The following KIAA0825 variants were observed in gnomAD, a reference collection of about 807,000 sequenced individuals.
KIAA0825 encodes KIAA0825.
In KIAA0825, 119 loss-of-function variants were observed where a neutral mutation model predicts 147.6. That is an observed-to-expected ratio of 0.81 (90% CI 0.69 to 0.94). The LOEUF is 0.94. Ranked by LOEUF, KIAA0825 falls within the 40% of genes least tolerant of loss-of-function variation. The pLI, the probability that KIAA0825 is intolerant of heterozygous loss-of-function variation, is 0.00. For missense variants in KIAA0825, 1,381 were observed against 1,472.7 expected (o/e 0.94, Z 1.02); for synonymous variants, 470 against 518.1 (o/e 0.91, Z 1.26).
chr5:94,283,772 CT>C (rs1777556460), intron 20 of KIAA0825, among the ~76,000 whole-genome samples: 1 of 152,046 alleles, frequency 6.6e-6, no homozygotes, highest in Non-Finnish European at 1.5e-5. Context: ...TCATGTATAG[CT>C]TATGACTTTG....
At chr5:94,215,738 T>A (rs2150052927) in intron 20 of KIAA0825, among the ~76,000 whole-genome samples, 1 of 152,196 alleles carries the variant, frequency 6.6e-6, no homozygotes, top group East Asian at 1.9e-4. Flanking sequence ...CCTCCCTTGA[T>A]TCCTCGCACT....
chr5:94,310,019 ATAT>A (rs1194614657), intron 20 of KIAA0825, among the ~76,000 whole-genome samples: 1 of 151,734 alleles, frequency 6.6e-6, no homozygotes, highest in Admixed American at 6.6e-5. Context: ...GATAATTGAC[ATAT>A]TATGTTCAGT....
rs984883070 is a variant in KIAA0825 at position 94,417,120 on chromosome 5, C to A, written c.2662+81G>T. 6.1e-6 allele frequency: 8 copies of A among 1,307,610 alleles called. No individual in the cohort carries two copies. In the African/African-American group the frequency reaches 7.3e-5, roughly 12 times the overall value. The allele number at this position is 1,307,610 out of a possible 1,614,324, so 81.0% of individuals were successfully genotyped here. Reference sequence around the variant, plus strand: ...ACAACAGATTCAGCAAAACCAGTATCAATACAACTTCTAAACATCTTTAAA... The same window carrying A: ...ACAACAGATTCAGCAAAACCAGTATAAATACAACTTCTAAACATCTTTAAA... On this transcript the variant is annotated intron_variant, in intron 15 of 20. Coordinates refer to ENST00000682413, the MANE Select transcript of KIAA0825 (RefSeq NM_001145678.3).
At chr5:94,594,388 G>C (rs1255680555) in intron 1 of KIAA0825, 64 of 766,364 alleles carry the variant, frequency 8.4e-5, no homozygotes, top group South Asian at 6.3e-4. Context: ...GAGGTACTAG[G>C]AGGAATCAAT....
chr5:94,596,920 TG>T (rs1238393641), intron 1 of KIAA0825, among the ~76,000 whole-genome samples: 44 of 152,300 alleles, frequency 2.9e-4, no homozygotes, highest in African/African-American at 9.6e-4. Context: ...TTTTATATGT[TG>T]ATTTTGTATC....
intron 2 of KIAA0825, among the ~76,000 whole-genome samples, chr5:94,544,103 C>G (rs746807276): frequency 6.6e-6 from 1 of 152,130 alleles, no homozygotes; most frequent in African/African-American, 2.4e-5. Context: ...ATCCAAGAAC[C>G]CTCTCTTGGA....
intron 20 of KIAA0825, among the ~76,000 whole-genome samples, chr5:94,284,075 CAAAT>C (rs1210845547): frequency 2.0e-5 from 3 of 152,098 alleles, no homozygotes; most frequent in Non-Finnish European, 2.9e-5. Context: ...ACTATCCTCT[CAAAT>C]AAACTTGTAT....
chr5:94,544,463 G>A (rs1217877297), intron 2 of KIAA0825, among the ~76,000 whole-genome samples: 7 of 152,104 alleles, frequency 4.6e-5, no homozygotes, highest in Non-Finnish European at 1.0e-4. Context: ...ATTACTCCAG[G>A]GAATGGCTCT....
intron 20 of KIAA0825, among the ~76,000 whole-genome samples, chr5:94,329,630 A>G (rs548511655): frequency 1.3e-5 from 2 of 152,296 alleles, no homozygotes; most frequent in East Asian, 3.9e-4. Context: ...AAAATAAAAA[A>G]CAAAACAAAA....
chr5:94,377,187 C>G (rs1476663228), intron 20 of KIAA0825, among the ~76,000 whole-genome samples: 2 of 152,176 alleles, frequency 1.3e-5, no homozygotes, highest in Non-Finnish European at 1.5e-5. Context: ...CCTGGACAGG[C>G]CCCAAAGTGA....
At chr5:94,423,179 T>TG (rs1328333296) in intron 14 of KIAA0825, among the ~76,000 whole-genome samples, 1 of 152,080 alleles carries the variant, frequency 6.6e-6, no homozygotes, top group Non-Finnish European at 1.5e-5. Context: ...AGTGGGGAGC[T>TG]GGGGGGTTGG....
chr5:94,556,035 C>G (rs1776472453), intron 2 of KIAA0825, among the ~76,000 whole-genome samples: 1 of 151,398 alleles, frequency 6.6e-6, no homozygotes, highest in African/African-American at 2.4e-5. Context: ...ATAATAAATA[C>G]AGTTTATGAG....
intron 3 of KIAA0825, among the ~76,000 whole-genome samples, chr5:94,525,695 T>C (rs1769140215): frequency 6.6e-6 from 1 of 152,094 alleles, no homozygotes; most frequent in Middle Eastern, 3.4e-3. Flanking sequence ...TGAAACCTAA[T>C]AGATTACAGC....
At chr5:94,213,881 C>T (rs917005736) in intron 20 of KIAA0825, among the ~76,000 whole-genome samples, 3 of 152,114 alleles carry the variant, frequency 2.0e-5, no homozygotes, top group African/African-American at 7.2e-5. Flanking sequence ...GATCATGGCA[C>T]GTAACATGCT....
chr5:94,261,355 C>T (rs188147029), intron 20 of KIAA0825, among the ~76,000 whole-genome samples: 2 of 151,994 alleles, frequency 1.3e-5, no homozygotes, highest in Admixed American at 6.5e-5. Context: ...CATAAAATAA[C>T]GTGTAATCTT....
chr5:94,302,348 C>G (rs1435262822), intron 20 of KIAA0825, among the ~76,000 whole-genome samples: 1 of 151,954 alleles, frequency 6.6e-6, no homozygotes, highest in Non-Finnish European at 1.5e-5. Context: ...TCTTGTAATA[C>G]TTTGCTTGGT....
chr5:94,590,039 G>C (rs1168124970), intron 1 of KIAA0825, among the ~76,000 whole-genome samples: 1 of 151,980 alleles, frequency 6.6e-6, no homozygotes, highest in Non-Finnish European at 1.5e-5. Context: ...ACCCAGGCTG[G>C]AGTGGAGTGG....
intron 20 of KIAA0825, among the ~76,000 whole-genome samples, chr5:94,323,639 A>T (rs1780413196): frequency 6.6e-6 from 1 of 151,962 alleles, no homozygotes; most frequent in Admixed American, 6.6e-5. Context: ...CAGAAACTTT[A>T]ATTGCTTTGA....
intron 20 of KIAA0825, among the ~76,000 whole-genome samples, chr5:94,281,198 A>AACACACACAC (rs34358354): frequency 1.1e-3 from 153 of 145,122 alleles, no homozygotes; most frequent in East Asian, 1.7e-3. Context: ...TAAGTGATTT[A>AACACACACAC]ACACACACAC....
Sources: gnomAD v4.1 joint callset for allele counts (sites outside exome capture counted in the v4.1 genomes callset) on GRCh38, gnomAD v4.1.1 for gene constraint, MANE v1.5 for transcripts, NCBI Gene and HGNC (gene_info 2026-07-23, HGNC 2026-07-21) for gene names.